The following SLC38A1 variants were observed in gnomAD, a reference collection of about 807,000 sequenced individuals.
SLC38A1 encodes the protein solute carrier family 38 member 1, also known as sodium-coupled neutral amino acid symporter 1.
In SLC38A1, 18 loss-of-function variants were observed where a neutral mutation model predicts 60.3. The ratio of observed to expected loss-of-function variants is 0.30; its 90% CI spans 0.21 to 0.44. SLC38A1 has a LOEUF of 0.44. Among genes scored for constraint, SLC38A1 ranks in the 20% least tolerant of loss-of-function variants. The pLI, the probability that SLC38A1 is intolerant of heterozygous loss-of-function variation, is 1.00. For synonymous variants in SLC38A1, 196 were observed against 212.1 expected, an observed-to-expected ratio of 0.92 and a Z score of 0.66; for missense variants, 448 against 587.2, an observed-to-expected ratio of 0.76 and a Z score of 2.45.
chr12:46,221,983 C>G (rs1940678313), intron 5 of SLC38A1, among the ~76,000 whole-genome samples: 1 of 152,032 alleles, frequency 6.6e-6, no homozygotes, highest in Non-Finnish European at 1.5e-5. Flanking sequence ...ACCAAGGTAA[C>G]AGTTTTAAGG....
At chr12:46,260,859 C>T (rs1321862636) in intron 1 of SLC38A1, among the ~76,000 whole-genome samples, 1 of 152,172 alleles carries the variant, frequency 6.6e-6, no homozygotes, top group Non-Finnish European at 1.5e-5. Context: ...CACGCTACCT[C>T]CTGCTTCTTG....
intron 1 of SLC38A1, among the ~76,000 whole-genome samples, chr12:46,248,780 T>G (rs546705633): frequency 5.3e-5 from 8 of 152,250 alleles, no homozygotes; most frequent in Admixed American, 3.9e-4. Context: ...AGTAAAGCAC[T>G]CCTCAGCAAA....
At chr12:46,252,464 T>C (rs1448340860) in intron 1 of SLC38A1, among the ~76,000 whole-genome samples, 1 of 152,082 alleles carries the variant, frequency 6.6e-6, no homozygotes, top group Non-Finnish European at 1.5e-5. Context: ...TGTGCACATG[T>C]ACCCTAGAAC....
intron 2 of SLC38A1, among the ~76,000 whole-genome samples, chr12:46,242,671 A>G (rs1479640034): frequency 1.3e-5 from 2 of 152,156 alleles, no homozygotes; most frequent in African/African-American, 4.8e-5. Flanking sequence ...GGTGTGTAGC[A>G]CGTGCCTGTG....
intron 2 of SLC38A1, among the ~76,000 whole-genome samples, chr12:46,240,345 C>T (rs1301833514): frequency 2.0e-5 from 3 of 152,084 alleles, no homozygotes; most frequent in East Asian, 1.9e-4. Flanking sequence ...TACAGGCATG[C>T]GCCACCACGC....
At chr12:46,256,784 A>G (rs547425963) in intron 1 of SLC38A1, among the ~76,000 whole-genome samples, 1 of 152,352 alleles carries the variant, frequency 6.6e-6, no homozygotes, top group South Asian at 2.1e-4. Flanking sequence ...AACACAAAGG[A>G]AAATTATCTT....
chr12:46,209,722 T>G (rs1379611046), intron 5 of SLC38A1, among the ~76,000 whole-genome samples: 1 of 151,990 alleles, frequency 6.6e-6, no homozygotes, highest in Admixed American at 6.5e-5. Context: ...TAAGCACCAC[T>G]TGGTAACCAG....
At chr12:46,210,969 A>C (rs1490804262) in intron 5 of SLC38A1, among the ~76,000 whole-genome samples, 3 of 152,240 alleles carry the variant, frequency 2.0e-5, no homozygotes, top group Non-Finnish European at 4.4e-5. Flanking sequence ...GCAAGCATTT[A>C]TTAGCCAACC....
intron 1 of SLC38A1, among the ~76,000 whole-genome samples, chr12:46,250,740 C>T (rs184629674): frequency 1.3e-5 from 2 of 152,150 alleles, no homozygotes; most frequent in East Asian, 1.9e-4. Context: ...CTCCCATTCA[C>T]AATTGCTACA....
intron 16 of SLC38A1, among the ~76,000 whole-genome samples, chr12:46,193,966 T>C (rs1939257602): frequency 1.3e-5 from 2 of 152,232 alleles, no homozygotes; most frequent in Non-Finnish European, 2.9e-5. Flanking sequence ...TTGAATTTGA[T>C]CCTGTCATTA....
intron 13 of SLC38A1, among the ~76,000 whole-genome samples, chr12:46,200,536 C>T (rs1036186041): frequency 4.6e-5 from 7 of 152,122 alleles, no homozygotes; most frequent in East Asian, 1.9e-4. Context: ...CAGTAAACGC[C>T]GGTAAACTGT....
chr12:46,211,125 C>T (rs1261412998), intron 5 of SLC38A1, among the ~76,000 whole-genome samples: 2 of 152,184 alleles, frequency 1.3e-5, no homozygotes, highest in Non-Finnish European at 2.9e-5. Flanking sequence ...CGGTTTCTTG[C>T]AGAGTTCACT....
intron 16 of SLC38A1, among the ~76,000 whole-genome samples, chr12:46,189,414 G>C (rs1402792744): frequency 6.6e-6 from 1 of 152,130 alleles, no homozygotes; most frequent in Non-Finnish European, 1.5e-5. Context: ...GGGAATAAAG[G>C]CCTTAGAAAA....
chr12:46,229,282 CA>C lies in SLC38A1; in HGVS notation c.199-15del. On this transcript the variant is annotated splice_polypyrimidine_tract_variant and intron_variant, in intron 4 of 16. Coordinates refer to ENST00000398637, the MANE Select transcript of SLC38A1 (RefSeq NM_030674.4). Reference sequence around the variant, plus strand: ...TGTACCTGGAATCTGAACAAAGAAACAAACATTGACACTAAGCAAAATAATC... The same window carrying C: ...TGTACCTGGAATCTGAACAAAGAAACAACATTGACACTAAGCAAAATAATC... 1 of 1,538,074 alleles carries C rather than the reference CA, an allele frequency of 6.5e-7. No individual in the cohort carries two copies. Among genetic ancestry groups the C allele is most frequent in the Non-Finnish European group, 9.0e-7 (1 of 1,112,988 alleles).
chr12:46,244,739 G>A (rs1045019581), intron 1 of SLC38A1, among the ~76,000 whole-genome samples: 1 of 152,198 alleles, frequency 6.6e-6, no homozygotes. Flanking sequence ...TATTCCTAGA[G>A]GCCCAGCCTA....
chr12:46,256,136 A>T (rs554700040), intron 1 of SLC38A1, among the ~76,000 whole-genome samples: 2 of 149,418 alleles, frequency 1.3e-5, no homozygotes, highest in Non-Finnish European at 3.0e-5. Flanking sequence ...ACTGCACTCC[A>T]GCCTGGGCAA....
At chr12:46,225,958 T>A (rs957277555) in intron 5 of SLC38A1, among the ~76,000 whole-genome samples, 5 of 152,148 alleles carry the variant, frequency 3.3e-5, no homozygotes, top group African/African-American at 1.2e-4. Flanking sequence ...AAAATACATA[T>A]CAACCAATTG....
chr12:46,210,601 G>A lies in SLC38A1; in HGVS notation c.315-1474C>T, dbSNP rs1414846727. On this transcript the variant is annotated intron_variant, in intron 5 of 16. Transcript: ENST00000398637. ...GAATTGTAACTCCCATAATTTCCAC[G>A]TGTTTTGGGAGGGACCCGGTGGGAG... Among the ~76,000 whole-genome samples the A allele has an allele frequency of 1.3e-4, 20 of 152,086 alleles. 1 individual carries two copies. The highest frequency in any genetic ancestry group is 1.0e-3 in the Admixed American group (16 of 15,276).
chr12:46,198,645 C>G lies in SLC38A1; in HGVS notation c.1102G>C (p.Val368Leu). 1 of 1,611,962 alleles carries G rather than the reference C, an allele frequency of 6.2e-7. No individual in the cohort carries two copies. The highest frequency in any genetic ancestry group is 8.5e-7 in the Non-Finnish European group (1 of 1,178,868). The change falls in exon 14 of 17, where the codon GTG (valine) becomes CTG (leucine). Residue 368 changes from valine to leucine, a missense_variant. Physicochemically the swap from Val to Leu is conservative, Grantham distance 32 (BLOSUM62 1). This residue lies in a region of SLC38A1 where 346 missense variants were observed against 497.5 expected (regional missense o/e 0.70). Coordinates refer to ENST00000398637, the MANE Select transcript of SLC38A1 (RefSeq NM_030674.4). ...CTCACCGTGAAAAATAACACCGGCA[C>G]TGTGAGGATCACAGCAACAATGACA... ...LAVIVAVILT[V>L]PVLFFTVRSS...
Sources: allele counts gnomAD v4.1 joint callset (sites outside exome capture counted in the v4.1 genomes callset), GRCh38; gene constraint gnomAD v4.1.1; regional missense constraint gnomAD v4.1.1; transcripts MANE v1.5; gene names NCBI Gene and HGNC (gene_info 2026-07-23, HGNC 2026-07-21).